Variants in KCMF1 observed in about 807,000 individuals in gnomAD.
KCMF1 encodes the protein potassium channel modulatory factor 1.
Under a neutral mutation model 41.1 loss-of-function variants are expected in KCMF1, and 3 were observed. The ratio of observed to expected loss-of-function variants is 0.07; its 90% CI spans 0.03 to 0.19. The LOEUF is 0.19. Ranked by LOEUF, KCMF1 falls within the 10% of genes least tolerant of loss-of-function variation. The pLI, the probability that KCMF1 is intolerant of heterozygous loss-of-function variation, is 1.00. For missense variants in KCMF1, 286 were observed against 488.9 expected (o/e 0.58, Z 3.91); for synonymous variants, 142 against 164.5 (o/e 0.86, Z 1.04).
At chr2:84,975,010 T>G (rs879345510) in intron 1 of KCMF1, among the ~76,000 whole-genome samples, 4 of 152,116 alleles carry the variant, frequency 2.6e-5, no homozygotes, top group Admixed American at 6.6e-5. Flanking sequence ...CCTGGCCGAA[T>G]TTCATATAAT....
intron 1 of KCMF1, among the ~76,000 whole-genome samples, chr2:84,979,926 G>GT (rs1673664029): frequency 1.3e-5 from 2 of 151,556 alleles, no homozygotes; most frequent in South Asian, 4.2e-4. Context: ...GGGTTCAAGT[G>GT]TTTCTCCTGC....
chr2:85,047,096 G>A (rs150803099), intron 5 of KCMF1, among the ~76,000 whole-genome samples: 1 of 152,218 alleles, frequency 6.6e-6, no homozygotes, highest in African/African-American at 2.4e-5. Flanking sequence ...GCCATTCACT[G>A]GGGGTTTTGG....
At chr2:84,995,275 C>G (rs980587052) in intron 1 of KCMF1, among the ~76,000 whole-genome samples, 1 of 152,184 alleles carries the variant, frequency 6.6e-6, no homozygotes, top group African/African-American at 2.4e-5. Context: ...CCACCTTGGC[C>G]TCCCAAAGTG....
At chr2:84,976,498 G>A (rs991012536) in intron 1 of KCMF1, among the ~76,000 whole-genome samples, 1 of 151,870 alleles carries the variant, frequency 6.6e-6, no homozygotes, top group African/African-American at 2.4e-5. Context: ...GAGCCACCAC[G>A]CCCAGCACCT....
chr2:84,983,076 C>T (rs1430375313), intron 1 of KCMF1, among the ~76,000 whole-genome samples: 1 of 152,172 alleles, frequency 6.6e-6, no homozygotes, highest in Non-Finnish European at 1.5e-5. Flanking sequence ...ATATTTTCTA[C>T]AAGCTTTTTA....
chr2:85,024,156 A>G (rs1675024663), intron 1 of KCMF1, among the ~76,000 whole-genome samples: 1 of 152,082 alleles, frequency 6.6e-6, no homozygotes, highest in Non-Finnish European at 1.5e-5. Flanking sequence ...TGAACCTTAT[A>G]TTTTCAATCA....
intron 2 of KCMF1, among the ~76,000 whole-genome samples, chr2:85,033,344 A>C (rs1408238437): frequency 1.3e-5 from 2 of 152,068 alleles, no homozygotes; most frequent in African/African-American, 4.8e-5. Context: ...ATATACTTTA[A>C]TTTTATTTTA....
chr2:85,037,119 G>A (rs1675422952), intron 3 of KCMF1, among the ~76,000 whole-genome samples: 1 of 151,874 alleles, frequency 6.6e-6, no homozygotes, highest in Non-Finnish European at 1.5e-5. Context: ...TTTCTTGTGA[G>A]TTGTGTTTAT....
At chr2:85,052,720 A>G (rs1424871688) in intron 6 of KCMF1, among the ~76,000 whole-genome samples, 1 of 152,132 alleles carries the variant, frequency 6.6e-6, no homozygotes, top group Non-Finnish European at 1.5e-5. Flanking sequence ...AAATCTTAGG[A>G]TATTTTTCAG....
intron 1 of KCMF1, among the ~76,000 whole-genome samples, chr2:85,010,548 A>G (rs1308972451): frequency 6.6e-6 from 1 of 152,182 alleles, no homozygotes; most frequent in Non-Finnish European, 1.5e-5. Flanking sequence ...GTGCACCACT[A>G]TCCAGTGCAG....
chr2:85,039,474 A>G (rs889736247), intron 3 of KCMF1, among the ~76,000 whole-genome samples: 13 of 152,202 alleles, frequency 8.5e-5, no homozygotes, highest in African/African-American at 2.7e-4. Context: ...GTGCTTTCAT[A>G]GAGGAAAAGT....
chr2:85,017,628 A>G (rs964925129), intron 1 of KCMF1, among the ~76,000 whole-genome samples: 98 of 147,670 alleles, frequency 6.6e-4, no homozygotes, highest in Non-Finnish European at 1.2e-3. Flanking sequence ...GGCAAGTGCT[A>G]TATAATCCCA....
chr2:85,020,687 CA>C (rs1558578005), intron 1 of KCMF1, among the ~76,000 whole-genome samples: 1 of 152,172 alleles, frequency 6.6e-6, no homozygotes, highest in Non-Finnish European at 1.5e-5. Flanking sequence ...TTTAGTCTCC[CA>C]AAGTGTTCGT....
intron 1 of KCMF1, among the ~76,000 whole-genome samples, chr2:85,025,252 A>G (rs1276490510): frequency 1.3e-5 from 2 of 152,196 alleles, no homozygotes; most frequent in African/African-American, 4.8e-5. Flanking sequence ...AGTGTCTTTG[A>G]ATACATTTTT....
At chr2:84,993,548 A>ATTTAT (rs1674097617) in intron 1 of KCMF1, among the ~76,000 whole-genome samples, 2 of 145,930 alleles carry the variant, frequency 1.4e-5, no homozygotes, top group Non-Finnish European at 3.0e-5. Flanking sequence ...CTCTACCCCC[A>ATTTAT]TTATTTATTT....
chr2:85,040,217 A>G (rs1675492729), intron 3 of KCMF1, among the ~76,000 whole-genome samples: 1 of 152,200 alleles, frequency 6.6e-6, no homozygotes. Context: ...TGTGTGTTAC[A>G]TGGAATGTTT....
intron 2 of KCMF1, among the ~76,000 whole-genome samples, chr2:85,032,469 C>T (rs1188426592): frequency 6.6e-6 from 1 of 151,536 alleles, no homozygotes; most frequent in Non-Finnish European, 1.5e-5. Flanking sequence ...CTCTGCCTCC[C>T]GGGTTCAAGT....
intron 5 of KCMF1, among the ~76,000 whole-genome samples, chr2:85,047,613 A>C (rs1468782982): frequency 6.7e-6 from 1 of 149,812 alleles, no homozygotes; most frequent in Non-Finnish European, 1.5e-5. Context: ...AAAAAAAAAA[A>C]CACAGTTTTT....
chr2:85,028,898 G>A (rs1335979735), intron 2 of KCMF1, among the ~76,000 whole-genome samples: 1 of 152,156 alleles, frequency 6.6e-6, no homozygotes, highest in Non-Finnish European at 1.5e-5. Flanking sequence ...ATAGAAGAGT[G>A]CTTCAGTAAA....
Sources: gnomAD v4.1 joint callset for allele counts (sites outside exome capture counted in the v4.1 genomes callset) on GRCh38, gnomAD v4.1.1 for gene constraint, MANE v1.5 for transcripts, NCBI Gene and HGNC (gene_info 2026-07-23, HGNC 2026-07-21) for gene names.